The following PLEKHG4B variants were observed in gnomAD, a reference collection of about 807,000 sequenced individuals.
The protein encoded by PLEKHG4B is pleckstrin homology and RhoGEF domain containing G4B.
PLEKHG4B carries 111 observed loss-of-function variants against 121.3 expected under a neutral mutation model. The ratio of observed to expected loss-of-function variants is 0.92; its 90% CI spans 0.78 to 1.07. The LOEUF is 1.07. PLEKHG4B is among the 50% of genes least tolerant of loss of function. The pLI is 0.00. For synonymous variants in PLEKHG4B, 738 were observed against 725.0 expected (o/e 1.02, Z -0.29); for missense variants, 1,831 against 1,757.8 (o/e 1.04, Z -0.74).
At position 182,873 on chromosome 5, in the gene PLEKHG4B, T is replaced by G. The variant is rs952003843; in HGVS notation, c.*550T>G. The G allele has an allele frequency of 1.3e-5, 2 of 158,776 alleles. No homozygotes were observed. Among genetic ancestry groups the G allele is most frequent in the Non-Finnish European group, 2.8e-5 (2 of 71,238 alleles). The allele number at this position is 158,776 out of a possible 1,614,324, so 9.8% of individuals were successfully genotyped here. A position where few individuals can be genotyped will look rare whatever the true frequency, so the allele number is the denominator to read the frequency against. Reference sequence around the variant, plus strand: ...TCACCAGATCAGCCCCTCCAGCACCTAGTGGGTTGCTACCCATTCGCACAC... The same window carrying G: ...TCACCAGATCAGCCCCTCCAGCACCGAGTGGGTTGCTACCCATTCGCACAC... On this transcript the variant is annotated 3_prime_UTR_variant, in exon 20 of 20. Coordinates refer to ENST00000637938, the MANE Select transcript of PLEKHG4B (RefSeq NM_052909.5).
intron 6 of PLEKHG4B, among the ~76,000 whole-genome samples, chr5:151,199 G>A (rs1735592528): frequency 6.6e-6 from 1 of 152,168 alleles, no homozygotes; most frequent in African/African-American, 2.4e-5. Flanking sequence ...AGAGAATTTT[G>A]GGGTTGCTTA....
At chr5:99,536 A>C (rs1021136394) in intron 1 of PLEKHG4B, among the ~76,000 whole-genome samples, 1 of 152,042 alleles carries the variant, frequency 6.6e-6, no homozygotes, top group African/African-American at 2.4e-5. Context: ...TTTCCTTTTC[A>C]AAGTATTCAT....
At position 137,570 on chromosome 5, in the gene PLEKHG4B, A is replaced by G. The variant is rs1335190600; in HGVS notation, c.244-1913A>G. On this transcript the variant is annotated intron_variant, in intron 2 of 19. Transcript: ENST00000637938. This position sits in a 1 kb window ranked among gnomAD's most constrained non-coding sequence, Gnocchi z 4.2. The stretch of plus-strand genomic sequence containing the variant: ...AGGGTTTGGAAATAGGTTTTGTCTC[A>G]TCAAATATTTGATATGTAGAGACCT... 6.6e-6 allele frequency among the ~76,000 whole-genome samples: 1 copy of G among 152,210 alleles called. No homozygotes were observed. Among genetic ancestry groups the G allele is most frequent in the Non-Finnish European group, 1.5e-5 (1 of 68,042 alleles).
intron 5 of PLEKHG4B, among the ~76,000 whole-genome samples, chr5:143,807 C>T (rs1230575008): frequency 2.6e-5 from 4 of 152,182 alleles, no homozygotes; most frequent in African/African-American, 4.8e-5. Context: ...CAGCTTCTGC[C>T]GGCTTTGAGT....
chr5:155,229 A>G lies in PLEKHG4B; in HGVS notation c.2110-116A>G, dbSNP rs989099389. The G allele has an allele frequency of 8.0e-6, 8 of 1,000,770 alleles. No homozygotes were observed. The Admixed American group carries it at 9.1e-5, about 11-fold the overall frequency. 62.0% of individuals were successfully genotyped at this position (1,000,770 alleles called of 1,614,324 possible). A position where few individuals can be genotyped will look rare whatever the true frequency, so the allele number is the denominator to read the frequency against. ...CTGTAGATCTCAGGGATCTTCACAT[A>G]TGGAAGCTTCCCAACCCGAGATCGG... is the stretch of plus-strand genomic sequence containing the variant. On this transcript the variant is annotated intron_variant, in intron 8 of 19. Transcript: ENST00000637938.
rs138549839 is a variant in PLEKHG4B at position 120,109 on chromosome 5, C to T, written c.243+6661C>T. On this transcript the variant is annotated intron_variant, in intron 2 of 19. Coordinates refer to ENST00000637938, the MANE Select transcript of PLEKHG4B (RefSeq NM_052909.5). Reference sequence around the variant, plus strand: ...AGAATTTTTCTAAAACTTAACCAGTCATGGTGGGTGGTGCATGCCTGTGGT... The same window carrying T: ...AGAATTTTTCTAAAACTTAACCAGTTATGGTGGGTGGTGCATGCCTGTGGT... Among the ~76,000 whole-genome samples the T allele has an allele frequency of 7.9e-5, 12 of 152,224 alleles. No individual in the cohort carries two copies. The East Asian group carries it at 2.3e-3, about 29-fold the overall frequency.
intron 2 of PLEKHG4B, among the ~76,000 whole-genome samples, chr5:134,100 T>TATAC (rs1734871758): frequency 7.9e-6 from 1 of 126,828 alleles, no homozygotes; most frequent in Non-Finnish European, 1.7e-5. Context: ...TATATATATA[T>TATAC]ATATATATAT....
At chr5:148,354 A>AT (rs980623455) in intron 6 of PLEKHG4B, among the ~76,000 whole-genome samples, 8 of 151,144 alleles carry the variant, frequency 5.3e-5, no homozygotes, top group Non-Finnish European at 8.9e-5. Flanking sequence ...CAAAAAAAAA[A>AT]AAATAAATAA....
intron 2 of PLEKHG4B, among the ~76,000 whole-genome samples, chr5:117,244 A>T (rs189463102): frequency 1.8e-3 from 272 of 152,344 alleles, no homozygotes; most frequent in African/African-American, 6.3e-3. Flanking sequence ...TCATCTCTAT[A>T]ACAGGAGAAA....
At chr5:134,069 A>C (rs1399372811) in intron 2 of PLEKHG4B, among the ~76,000 whole-genome samples, 1 of 111,326 alleles carries the variant, frequency 9.0e-6, no homozygotes, top group Non-Finnish European at 1.8e-5. Context: ...ATATATATAT[A>C]TGATAGAATA....
At chr5:164,730 ACTCTGACGGGGCGGGGCTCACAGTAATC>A (rs1736215811) in intron 13 of PLEKHG4B, among the ~76,000 whole-genome samples, 2 of 29,960 alleles carry the variant, frequency 6.7e-5, no homozygotes, top group Admixed American at 6.5e-4. Flanking sequence ...TCACACTAAT[ACTCTGACGGGGCGGGGCTCACAGTAATC>A]CTCTGACGGG....
In PLEKHG4B at chr5:161,875, G is replaced by A. The variant is rs1553989284; in HGVS notation, c.2580G>A (p.Val860=). The change falls in exon 12 of 20, where the codon GTG becomes GTA. Residue 860 remains valine (V), a synonymous_variant. Transcript: ENST00000637938. ...VQDFRRGLSA[V]VSQAECREGE... ...ATTTCAGAAGGGGCCTGAGCGCCGT[G>A]GTCAGCCAGGCTGAGTGCAGGGAGG... 1.2e-6 allele frequency: 2 copies of A among 1,613,750 alleles called. No homozygotes were observed. Among genetic ancestry groups the A allele is most frequent in the Non-Finnish European group, 1.7e-6 (2 of 1,180,016 alleles).
intron 1 of PLEKHG4B, among the ~76,000 whole-genome samples, chr5:101,560 AG>A (rs1176044031): frequency 5.2e-5 from 7 of 133,726 alleles, no homozygotes; most frequent in African/African-American, 2.4e-4. Flanking sequence ...CTCTGGAAAA[AG>A]TCTGTAGGGG....
At chr5:172,350 C>CGT (rs1736586452) in intron 16 of PLEKHG4B, among the ~76,000 whole-genome samples, 1 of 152,090 alleles carries the variant, frequency 6.6e-6, no homozygotes, top group African/African-American at 2.4e-5. Context: ...CTGGTGGGCA[C>CGT]GGCGGCTCCA....
chr5:121,356 A>G (rs578192444), intron 2 of PLEKHG4B, among the ~76,000 whole-genome samples: 1 of 152,350 alleles, frequency 6.6e-6, no homozygotes, highest in African/African-American at 2.4e-5. Context: ...CAAAGAAAGG[A>G]TACATGAATT....
In PLEKHG4B at chr5:183,779, G is replaced by A. The variant is rs999424526; in HGVS notation, c.*1456G>A. 6.6e-6 allele frequency: 1 copy of A among 152,156 alleles called. No individual in the cohort carries two copies. Among genetic ancestry groups the A allele is most frequent in the Non-Finnish European group, 1.5e-5 (1 of 68,052 alleles). The allele number at this position is 152,156 out of a possible 1,614,324, so 9.4% of individuals were successfully genotyped here. On this transcript the variant is annotated 3_prime_UTR_variant, in exon 20 of 20. Transcript: ENST00000637938. ...ATGACTTAATGGAAGAGATTCAGAA[G>A]ACCCAGACCGACCTTACAGGGATGA...
intron 13 of PLEKHG4B, chr5:168,931 A>G (rs1736442994): frequency 5.7e-6 from 1 of 175,706 alleles, no homozygotes; most frequent in South Asian, 1.3e-4. Context: ...GCAGGAGTGC[A>G]GTGGCGTGAT....
chr5:139,933 C>A lies in PLEKHG4B; in HGVS notation c.694C>A (p.Gln232Lys). ...CCCCTCAGAGGCCCCAGTCCCCACCCAAGCCACAGCAGGCCCCCATTTCCA... is the reference window on the plus strand; with the variant it reads ...CCCCTCAGAGGCCCCAGTCCCCACCAAAGCCACAGCAGGCCCCCATTTCCA... ...SSPSEAPVPT[Q>K]ATAGPHFQGS... The change falls in exon 3 of 20, where the codon CAA becomes AAA. Residue 232 changes from glutamine to lysine, a missense_variant. By Grantham distance (53) the Gln-to-Lys change is moderately conservative. Coordinates refer to ENST00000637938, the MANE Select transcript of PLEKHG4B (RefSeq NM_052909.5). This position sits in a 1 kb window ranked among gnomAD's most constrained non-coding sequence, Gnocchi z 5.0. 1 of 407,988 alleles carries A rather than the reference C, an allele frequency of 2.5e-6. No individual in the cohort carries two copies. The highest frequency in any genetic ancestry group is 4.3e-6 in the Non-Finnish European group (1 of 231,502). The allele number at this position is 407,988 out of a possible 1,614,324, so 25.3% of individuals were successfully genotyped here.
At chr5:155,927 A>G (rs781256463) in intron 9 of PLEKHG4B, 144 bp from the exon 10 acceptor site, 43 of 829,110 alleles carry the variant, frequency 5.2e-5, no homozygotes, top group Non-Finnish European at 7.2e-5. Flanking sequence ...AGTCCGGACC[A>G]TCAGCTTGAG....
Sources: gnomAD v4.1 joint callset for allele counts (sites outside exome capture counted in the v4.1 genomes callset) on GRCh38, gnomAD v4.1.1 for gene constraint, Gnocchi (gnomAD v3.1) non-coding constraint, MANE v1.5 for transcripts, NCBI Gene and HGNC (gene_info 2026-07-23, HGNC 2026-07-21) for gene names.